The following BCLAF1 variants were observed in gnomAD, a reference collection of about 807,000 sequenced individuals.
The protein encoded by BCLAF1 is BCL2 associated transcription factor 1.
In BCLAF1, 10 loss-of-function variants were observed where a neutral mutation model predicts 99.5. The ratio of observed to expected loss-of-function variants is 0.10; its 90% confidence interval spans 0.06 to 0.17. The LOEUF (loss-of-function observed/expected upper bound fraction) is 0.17. Ranked by LOEUF, BCLAF1 falls within the 10% of genes least tolerant of loss-of-function variation. The pLI, the probability that BCLAF1 is intolerant of heterozygous loss-of-function variation, is 1.00. For synonymous variants in BCLAF1, 255 were observed against 370.9 expected (o/e 0.69, Z 3.59); for missense variants, 636 against 1,105.8 (o/e 0.58, Z 6.02).
intron 11 of BCLAF1, among the ~76,000 whole-genome samples, chr6:136,263,441 A>C (rs1178230373): frequency 6.6e-6 from 1 of 152,208 alleles, no homozygotes; most frequent in Admixed American, 6.5e-5. Context: ...GCATCCTGGC[A>C]GCTACTTAAT....
intron 9 of BCLAF1, 24 bp from the exon 10 acceptor site, chr6:136,268,363 A>G (rs1562238247): frequency 6.4e-7 from 1 of 1,568,738 alleles, no homozygotes; most frequent in Non-Finnish European, 8.6e-7. Context: ...AAAACAAAAA[A>G]TGTGATACTT....
chr6:136,272,772 T>C (rs1427625846), intron 7 of BCLAF1, among the ~76,000 whole-genome samples: 4 of 151,888 alleles, frequency 2.6e-5, no homozygotes, highest in Admixed American at 2.0e-4. Context: ...TTCACATTTA[T>C]TTCACTAGAA....
chr6:136,268,871 CTT>C (rs1584030400), intron 9 of BCLAF1, among the ~76,000 whole-genome samples: 1 of 151,864 alleles, frequency 6.6e-6, no homozygotes, highest in Non-Finnish European at 1.5e-5. Flanking sequence ...ATCTATAATA[CTT>C]TGTGTTCCTA....
At chr6:136,283,755 T>C (rs1784694961) in intron 1 of BCLAF1, among the ~76,000 whole-genome samples, 1 of 152,054 alleles carries the variant, frequency 6.6e-6, no homozygotes, top group Non-Finnish European at 1.5e-5. Flanking sequence ...AAGAATAGCG[T>C]CTCCTAAAAT....
At chr6:136,277,834 T>C (rs757441038) in intron 4 of BCLAF1, 31 bp downstream of exon 4, 2 of 1,581,260 alleles carry the variant, frequency 1.3e-6, no homozygotes, top group African/African-American at 1.4e-5. Flanking sequence ...AAAACAATAT[T>C]ATAATCTAGA....
chr6:136,257,620 T>TA lies in BCLAF1; in HGVS notation c.*3489dup, dbSNP rs1780534742. 6.6e-6 allele frequency: 1 copy of TA among 152,196 alleles called. No homozygotes were observed. The highest frequency in any genetic ancestry group is 1.5e-5 in the Non-Finnish European group (1 of 67,992). 9.4% of individuals were successfully genotyped at this position (152,196 alleles called of 1,614,324 possible). A position where few individuals can be genotyped will look rare whatever the true frequency, so the allele number is the denominator to read the frequency against. On this transcript the variant is annotated 3_prime_UTR_variant, in exon 13 of 13. Coordinates refer to ENST00000531224, the MANE Select transcript of BCLAF1 (RefSeq NM_014739.3). ...CTACCCCAATAAAATTTGAAACATT[T>TA]AATAATAGTATCAACTATTTGAGAA...
Position 136,260,121 on chromosome 6 carries a change from G to A in BCLAF1, c.*989C>T, listed in dbSNP as rs1780785373. The A allele has an allele frequency of 1.3e-5, 2 of 151,978 alleles. No homozygotes were observed. Among genetic ancestry groups the A allele is most frequent in the African/African-American group, 4.8e-5 (2 of 41,428 alleles). The allele number at this position is 151,978 out of a possible 1,614,324, so 9.4% of individuals were successfully genotyped here. On this transcript the variant is annotated 3_prime_UTR_variant, in exon 13 of 13. Coordinates refer to ENST00000531224, the MANE Select transcript of BCLAF1 (RefSeq NM_014739.3). ...ATACTATTAATGAACAGTATGCTGT[G>A]TTTCTCTATTTTTACTAATAGTTAC...
At chr6:136,288,485 A>G (rs994148542) in intron 1 of BCLAF1, among the ~76,000 whole-genome samples, 2 of 152,248 alleles carry the variant, frequency 1.3e-5, no homozygotes, top group African/African-American at 4.8e-5. Context: ...CATTCCAACT[A>G]AAGTCGAACT....
At position 136,258,677 on chromosome 6, in the gene BCLAF1, AT is replaced by A. The variant is rs920492806; in HGVS notation, c.*2432del. On this transcript the variant is annotated 3_prime_UTR_variant, in exon 13 of 13. Transcript: ENST00000531224. The stretch of plus-strand genomic sequence containing the variant: ...CACACTGAGTAAGAATCGTTTAGCC[AT>A]CTACATTCAATGTTACTGGGTAATA... 1 of 152,562 alleles carries A rather than the reference AT, an allele frequency of 6.6e-6. No individual in the cohort carries two copies. Among genetic ancestry groups the A allele is most frequent in the African/African-American group, 2.4e-5 (1 of 41,470 alleles). The allele number at this position is 152,562 out of a possible 1,614,324, so 9.5% of individuals were successfully genotyped here. A position where few individuals can be genotyped will look rare whatever the true frequency, so the allele number is the denominator to read the frequency against.
intron 3 of BCLAF1, among the ~76,000 whole-genome samples, chr6:136,279,032 T>C (rs1428567481): frequency 2.8e-5 from 3 of 108,296 alleles, no homozygotes; most frequent in South Asian, 3.1e-4. Flanking sequence ...CACACGCATG[T>C]GTTATATATA....
chr6:136,261,629 A>T (rs1249092466), intron 11 of BCLAF1, 152 bp from the exon 12 acceptor site: 4 of 784,080 alleles, frequency 5.1e-6, no homozygotes, highest in Non-Finnish European at 7.8e-6. Flanking sequence ...AGTAAAACTG[A>T]ATTTTTCAAC....
chr6:136,264,121 CTTTT>C (rs996254415), intron 11 of BCLAF1, among the ~76,000 whole-genome samples: 1 of 152,072 alleles, frequency 6.6e-6, no homozygotes, highest in Non-Finnish European at 1.5e-5. Flanking sequence ...ACTCAAAAGC[CTTTT>C]TTAAGTATTC....
chr6:136,264,447 C>T (rs185782528), intron 11 of BCLAF1, among the ~76,000 whole-genome samples: 132 of 152,220 alleles, frequency 8.7e-4, no homozygotes, highest in Middle Eastern at 3.4e-3. Context: ...CCTCATGATC[C>T]ACCTGTCTCA....
rs1785742454 is a variant in BCLAF1, at chr6:136,289,808, A to G, written c.-210T>C. ...AGAACGCGAGGAAAACCATAGAGCT[A>G]CCTTCGACGCGCTAGCACGTCTCCG... On this transcript the variant is annotated 5_prime_UTR_variant, in exon 1 of 13. Coordinates refer to ENST00000531224, the MANE Select transcript of BCLAF1 (RefSeq NM_014739.3). 6.5e-6 allele frequency: 1 copy of G among 152,672 alleles called. No individual in the cohort carries two copies. The highest frequency in any genetic ancestry group is 2.1e-4 in the South Asian group (1 of 4,838). The allele number at this position is 152,672 out of a possible 1,614,324, so 9.5% of individuals were successfully genotyped here.
intron 10 of BCLAF1, among the ~76,000 whole-genome samples, chr6:136,267,756 A>C (rs1395787171): frequency 6.6e-6 from 1 of 151,970 alleles, no homozygotes; most frequent in Non-Finnish European, 1.5e-5. Context: ...TACCCATATA[A>C]GCAAGGATTT....
chr6:136,279,890 AGG>A lies in BCLAF1; in HGVS notation c.-10-16_-10-15del. The A allele has an allele frequency of 1.4e-6, 2 of 1,454,768 alleles. No individual in the cohort carries two copies. Among genetic ancestry groups the A allele is most frequent in the South Asian group, 3.2e-5 (2 of 62,962 alleles). The allele number at this position is 1,454,768 out of a possible 1,614,324, so 90.1% of individuals were successfully genotyped here. A position where few individuals can be genotyped will look rare whatever the true frequency, so the allele number is the denominator to read the frequency against. ...ATTTCTTTTCTCCTAATCAAATGAT[AGG>A]GCAAAAAAAGGTTAAAATTACAATA... On this transcript the variant is annotated splice_polypyrimidine_tract_variant and intron_variant, in intron 2 of 12. Transcript: ENST00000531224.
intron 11 of BCLAF1, among the ~76,000 whole-genome samples, chr6:136,266,292 T>C (rs1413713189): frequency 6.6e-6 from 1 of 152,124 alleles, no homozygotes; most frequent in African/African-American, 2.4e-5. Context: ...TTTTCAGAAC[T>C]AGTCTCTGAA....
At chr6:136,288,883 G>A (rs944241209) in intron 1 of BCLAF1, among the ~76,000 whole-genome samples, 2 of 152,158 alleles carry the variant, frequency 1.3e-5, no homozygotes, top group African/African-American at 4.8e-5. Context: ...GAAAAGACTC[G>A]GCTTCGCTAG....
intron 9 of BCLAF1, among the ~76,000 whole-genome samples, chr6:136,268,884 T>C (rs1449894951): frequency 6.6e-6 from 1 of 151,976 alleles, no homozygotes; most frequent in Non-Finnish European, 1.5e-5. Flanking sequence ...TGTGTTCCTA[T>C]TTGACTCTAT....
Sources: allele counts gnomAD v4.1 joint callset (sites outside exome capture counted in the v4.1 genomes callset), GRCh38; gene constraint gnomAD v4.1.1; transcripts MANE v1.5; gene names NCBI Gene and HGNC (gene_info 2026-07-23, HGNC 2026-07-21).